Variants in ADAP1 observed in about 807,000 individuals in gnomAD.
ADAP1 encodes arf-GAP with dual PH domain-containing protein 1.
ADAP1 carries 31 observed loss-of-function variants against 54.9 expected under a neutral mutation model. That is an observed-to-expected ratio of 0.56 (90% CI 0.42 to 0.76). The LOEUF is 0.76. Ranked by LOEUF, ADAP1 falls within the 30% of genes least tolerant of loss-of-function variation. The pLI is 0.00. For synonymous variants in ADAP1, 313 were observed against 202.6 expected (o/e 1.55, Z -4.63); for missense variants, 535 against 512.4 (o/e 1.04, Z -0.42).
chr7:900,255 C>A, intron 7 of ADAP1, 91 bp from the exon 8 acceptor site: 1 of 1,506,658 alleles, frequency 6.6e-7, no homozygotes, highest in Non-Finnish European at 9.2e-7. Context: ...CCCCTCACCC[C>A]GGGCCACCAG....
intron 3 of ADAP1, among the ~76,000 whole-genome samples, chr7:923,590 C>A (rs762419956): frequency 6.6e-6 from 1 of 152,060 alleles, no homozygotes; most frequent in African/African-American, 2.4e-5. Flanking sequence ...CCCTCCCCTG[C>A]GGGTGCAGCC....
rs59959608 is a variant in ADAP1, at chr7:915,273, C to T, written c.388+4695G>A. On this transcript the variant is annotated intron_variant, in intron 4 of 10. Transcript: ENST00000265846. ...GCATCTCACCTGTGCCGCACACACCCGTACATCTCGTCTGTGTACCTCACC... is the reference window on the plus strand; with the variant it reads ...GCATCTCACCTGTGCCGCACACACCTGTACATCTCGTCTGTGTACCTCACC... Among the ~76,000 whole-genome samples the T allele has an allele frequency of 8.6e-3, 1,291 of 150,430 alleles. 23 individuals are homozygous for T. Among genetic ancestry groups the T allele is most frequent in the African/African-American group, 0.029 (1,201 of 40,810 alleles).
Position 937,111 on chromosome 7 carries a change from G to T in ADAP1, c.83-1606C>A, listed in dbSNP as rs1448209144. Among the ~76,000 whole-genome samples the T allele has an allele frequency of 4.8e-5, 5 of 104,426 alleles. No homozygotes were observed. In the South Asian group the frequency reaches 1.6e-3, roughly 33 times the overall value. 68.5% of individuals were successfully genotyped at this position (104,426 alleles called of 152,430 possible). On this transcript the variant is annotated intron_variant, in intron 1 of 10. Transcript: ENST00000265846. ...GGGGTCACGCCGGGCCTCGGATTTG[G>T]GGGTCACGCCCGACCTCTGGGATTT...
In ADAP1 at chr7:945,264, G is replaced by GC. The variant is rs1847108845; in HGVS notation, c.82+9131_82+9132insG. Among the ~76,000 whole-genome samples the GC allele has an allele frequency of 6.6e-6, 1 of 152,336 alleles. No homozygotes were observed. The highest frequency in any genetic ancestry group is 2.1e-4 in the South Asian group (1 of 4,824). ...GCAAATGCCCGCAGCCCATCGGAGCGAAAAGGGGCGGGGCACGCACTCTCA... is the reference window on the plus strand; with the variant it reads ...GCAAATGCCCGCAGCCCATCGGAGCGCAAAAGGGGCGGGGCACGCACTCTCA... On this transcript the variant is annotated intron_variant, in intron 1 of 10. Coordinates refer to ENST00000265846, the MANE Select transcript of ADAP1 (RefSeq NM_006869.4). This position sits in a 1 kb window ranked among gnomAD's most constrained non-coding sequence, Gnocchi z 4.2.
At chr7:932,750 C>T (rs1281961398) in intron 2 of ADAP1, among the ~76,000 whole-genome samples, 6 of 152,132 alleles carry the variant, frequency 3.9e-5, no homozygotes, top group African/African-American at 1.4e-4. Flanking sequence ...CAGTGTCCCC[C>T]ACCCAGGTCA....
At position 897,947 on chromosome 7, in the gene ADAP1, G is replaced by A. The variant is rs3735679; in HGVS notation, c.*974C>T. On this transcript the variant is annotated 3_prime_UTR_variant, in exon 11 of 11. Coordinates refer to ENST00000265846, the MANE Select transcript of ADAP1 (RefSeq NM_006869.4). ...TTTATTCCAGGATGCGACACGGGGC[G>A]GCGGATGCCTGGCCTCGGAAACCCC... 0.023 allele frequency: 3,502 copies of A among 152,348 alleles called. 71 individuals carry two copies. Among genetic ancestry groups the A allele is most frequent in the East Asian group, 0.044 (227 of 5,176 alleles). The allele number at this position is 152,348 out of a possible 1,614,324, so 9.4% of individuals were successfully genotyped here.
chr7:925,607 C>T (rs1018481258), intron 3 of ADAP1, among the ~76,000 whole-genome samples: 2 of 152,262 alleles, frequency 1.3e-5, no homozygotes, highest in Admixed American at 6.5e-5. Context: ...GGAAGACCCC[C>T]TGGTCACTGC....
At chr7:939,327 C>A (rs947979763) in intron 1 of ADAP1, among the ~76,000 whole-genome samples, 1 of 152,022 alleles carries the variant, frequency 6.6e-6, no homozygotes, top group African/African-American at 2.4e-5. Context: ...TCAAGTGATT[C>A]TCCTGCTTCA....
intron 3 of ADAP1, among the ~76,000 whole-genome samples, chr7:923,749 G>A (rs961207425): frequency 1.8e-4 from 27 of 152,130 alleles, no homozygotes; most frequent in Non-Finnish European, 2.8e-4. Flanking sequence ...TGCTCCGGAC[G>A]CTGCCCGCCA....
intron 2 of ADAP1, among the ~76,000 whole-genome samples, chr7:934,275 G>A (rs1423268542): frequency 7.3e-6 from 1 of 136,796 alleles, no homozygotes; most frequent in South Asian, 2.6e-4. Flanking sequence ...CTGGAGAGCC[G>A]GGGACTGGGG....
At chr7:903,051 A>AC (rs1844900557) in intron 6 of ADAP1, among the ~76,000 whole-genome samples, 1 of 152,156 alleles carries the variant, frequency 6.6e-6, no homozygotes, top group African/African-American at 2.4e-5. Context: ...CCACCCAGGA[A>AC]CCAGATGAGG....
intron 1 of ADAP1, among the ~76,000 whole-genome samples, chr7:948,832 G>T (rs908290024): frequency 6.6e-6 from 1 of 152,150 alleles, no homozygotes; most frequent in African/African-American, 2.4e-5. Flanking sequence ...GAGTAGCTGG[G>T]ATTTCAGGCG....
chr7:948,217 G>C (rs1847190417), intron 1 of ADAP1, among the ~76,000 whole-genome samples: 2 of 150,354 alleles, frequency 1.3e-5, no homozygotes, highest in Non-Finnish European at 3.0e-5. Flanking sequence ...CTCACCCCAT[G>C]TCTGCCCTGC....
chr7:904,918 G>T (rs1218930361), intron 5 of ADAP1, 142 bp downstream of exon 5: 3 of 726,246 alleles, frequency 4.1e-6, no homozygotes, highest in African/African-American at 3.5e-5. Flanking sequence ...CCCAACACAG[G>T]CCGGTTCTCC....
chr7:948,130 T>C (rs1847188233), intron 1 of ADAP1, among the ~76,000 whole-genome samples: 2 of 151,726 alleles, frequency 1.3e-5, no homozygotes, highest in South Asian at 4.2e-4. Flanking sequence ...GCTGGGCCTT[T>C]CCCGCTCACA....
At chr7:909,098 G>A (rs375858815) in intron 4 of ADAP1, among the ~76,000 whole-genome samples, 4 of 152,240 alleles carry the variant, frequency 2.6e-5, no homozygotes, top group African/African-American at 9.6e-5. Context: ...GTGTTCTCGG[G>A]GTCCAGACGC....
intron 10 of ADAP1, 29 bp from the exon 11 acceptor site, chr7:898,978 ACAG>A: frequency 1.9e-6 from 3 of 1,611,408 alleles, no homozygotes; most frequent in Non-Finnish European, 2.5e-6. Flanking sequence ...CAGCGTTGTC[ACAG>A]CGGCGGGGAG....
chr7:909,949 C>A (rs1218557007), intron 4 of ADAP1, among the ~76,000 whole-genome samples: 1 of 152,200 alleles, frequency 6.6e-6, no homozygotes. Context: ...TGGGTCCAGT[C>A]CACACCCCAT....
intron 4 of ADAP1, among the ~76,000 whole-genome samples, chr7:911,881 G>A (rs1281735490): frequency 6.6e-6 from 1 of 152,118 alleles, no homozygotes; most frequent in African/African-American, 2.4e-5. Context: ...TACCACCTCT[G>A]GCCAGGCCCC....
Sources: allele counts gnomAD v4.1 joint callset (sites outside exome capture counted in the v4.1 genomes callset), GRCh38; gene constraint gnomAD v4.1.1; non-coding constraint Gnocchi (gnomAD v3.1); transcripts MANE v1.5; gene names NCBI Gene and HGNC (gene_info 2026-07-23, HGNC 2026-07-21).